Variants in ABHD3 observed in about 807,000 individuals in gnomAD.
The protein encoded by ABHD3 is phospholipase ABHD3.
ABHD3 carries 46 observed loss-of-function variants against 48.8 expected under a neutral mutation model. That is an observed-to-expected ratio of 0.94 (90% confidence interval 0.74 to 1.20). The LOEUF (loss-of-function observed/expected upper bound fraction) is 1.20, where lower values mean the gene tolerates loss of function less well. Among genes scored for constraint, ABHD3 ranks in the 50% most tolerant of loss-of-function variants. The probability of loss-of-function intolerance (pLI) is 0.00; values close to 1 mark genes in which losing one functional copy is unlikely to be tolerated. For synonymous variants in ABHD3, 192 were observed against 183.7 expected, an observed-to-expected ratio of 1.04 and a Z score of -0.36; for missense variants, 490 against 497.8, an observed-to-expected ratio of 0.98 and a Z score of 0.15.
At position 21,650,985 on chromosome 18, in the gene ABHD3, C is replaced by A. The variant is rs1019024048; in HGVS notation, c.*606G>T. 2.0e-5 allele frequency: 3 copies of A among 151,914 alleles called. No homozygotes were observed. Among genetic ancestry groups the A allele is most frequent in the Admixed American group, 2.0e-4 (3 of 15,230 alleles). The allele number at this position is 151,914 out of a possible 1,614,324, so 9.4% of individuals were successfully genotyped here. ...TAAAAATAAGCATGTAAATTATAAT[C>A]ATTATAAAACATAAGTTAGTCCTAA... On this transcript the variant is annotated 3_prime_UTR_variant, in exon 9 of 9. Transcript: ENST00000289119.
At chr18:21,663,938 A>G (rs2039561282) in intron 5 of ABHD3, 180 bp downstream of exon 5, 1 of 1,428,658 alleles carries the variant, frequency 7.0e-7, no homozygotes, top group African/African-American at 1.4e-5. Flanking sequence ...ATTAAAATTC[A>G]CCTGAATTAA....
chr18:21,658,691 CA>C (rs1479265440), intron 6 of ABHD3, among the ~76,000 whole-genome samples: 2 of 152,124 alleles, frequency 1.3e-5, no homozygotes, highest in Admixed American at 6.6e-5. Flanking sequence ...CTTATACTTA[CA>C]TTTTTTATTT....
Position 21,674,386 on chromosome 18 carries a change from C to CA in ABHD3, c.555+9533dup, listed in dbSNP as rs1419493338. ...CCTCCTGAGTAGCTGGGACTACAGG[C>CA]ACGTGCCACCATGCCCATATCCAGC... On this transcript the variant is annotated intron_variant, in intron 4 of 8. Coordinates refer to ENST00000289119, the MANE Select transcript of ABHD3 (RefSeq NM_138340.5). Among the ~76,000 whole-genome samples the CA allele has an allele frequency of 6.6e-5, 10 of 151,876 alleles. 1 individual carries two copies. In the South Asian group the frequency reaches 1.9e-3, roughly 28 times the overall value.
intron 4 of ABHD3, among the ~76,000 whole-genome samples, chr18:21,676,211 C>T (rs1241533969): frequency 6.6e-6 from 1 of 152,156 alleles, no homozygotes; most frequent in Non-Finnish European, 1.5e-5. Flanking sequence ...GTAGAAAGTG[C>T]TGACCTGGGA....
chr18:21,664,214 C>A lies in ABHD3; in HGVS notation c.572G>T (p.Cys191Phe), dbSNP rs947626999. The A allele has an allele frequency of 6.2e-7, 1 of 1,613,602 alleles. No individual in the cohort carries two copies. The highest frequency in any genetic ancestry group is 1.3e-5 in the African/African-American group (1 of 75,000). Residue 191 changes from cysteine to phenylalanine, a missense_variant, in exon 5 of 9, where the codon TGT becomes TTT. By Grantham distance (205) the Cys-to-Phe change is radical. Transcript: ENST00000289119. Reference protein sequence around the residue: ...GENLLTPRTYCCANTEDLETV... With the variant: ...GENLLTPRTYFCANTEDLETV... ...CTCCAAGTCTTCAGTGTTAGCACAA[C>A]AATAAGTCCTTGGCGTCTGGAAGTA...
intron 4 of ABHD3, among the ~76,000 whole-genome samples, chr18:21,668,880 C>T (rs557827456): frequency 2.6e-5 from 4 of 152,054 alleles, no homozygotes; most frequent in South Asian, 2.1e-4. Flanking sequence ...ATAGTATAGC[C>T]GTATAGCCCC....
intron 4 of ABHD3, among the ~76,000 whole-genome samples, chr18:21,679,474 A>C (rs911648499): frequency 6.6e-6 from 1 of 152,248 alleles, no homozygotes; most frequent in Non-Finnish European, 1.5e-5. Flanking sequence ...TGATCTAACG[A>C]GTTAATACAG....
intron 4 of ABHD3, among the ~76,000 whole-genome samples, chr18:21,680,318 A>G (rs765601684): frequency 2.0e-5 from 3 of 152,130 alleles, no homozygotes; most frequent in Non-Finnish European, 4.4e-5. Context: ...GCCCAGTCTC[A>G]TGTTTATTAT....
At chr18:21,695,241 G>C (rs1000882107) in intron 3 of ABHD3, among the ~76,000 whole-genome samples, 1 of 152,152 alleles carries the variant, frequency 6.6e-6, no homozygotes, top group Non-Finnish European at 1.5e-5. Flanking sequence ...TGTTGGCCAG[G>C]CTGGTTTCGA....
At chr18:21,689,768 C>T (rs924001460) in intron 3 of ABHD3, among the ~76,000 whole-genome samples, 1 of 151,896 alleles carries the variant, frequency 6.6e-6, no homozygotes, top group African/African-American at 2.4e-5. Flanking sequence ...ACAAGCAACC[C>T]AATTAAGGCT....
Position 21,664,618 on chromosome 18 carries a change from C to CA in ABHD3, c.556-389dup, listed in dbSNP as rs1227702069. On this transcript the variant is annotated intron_variant, in intron 4 of 8. Coordinates refer to ENST00000289119, the MANE Select transcript of ABHD3 (RefSeq NM_138340.5). Reference sequence around the variant, plus strand: ...AAAAAACAACCTGTACCCTCAAAGACAAAATAACCTTTTTTTTTGTTTGTT... The same window carrying CA: ...AAAAAACAACCTGTACCCTCAAAGACAAAAATAACCTTTTTTTTTGTTTGTT... 1.1e-4 allele frequency: 18 copies of CA among 160,744 alleles called. No homozygotes were observed. In the East Asian group the frequency reaches 2.7e-3, roughly 24 times the overall value. 10.0% of individuals were successfully genotyped at this position (160,744 alleles called of 1,614,324 possible). A position where few individuals can be genotyped will look rare whatever the true frequency, so the allele number is the denominator to read the frequency against.
At chr18:21,696,962 C>G (rs1324841480) in intron 3 of ABHD3, among the ~76,000 whole-genome samples, 1 of 152,094 alleles carries the variant, frequency 6.6e-6, no homozygotes, top group Non-Finnish European at 1.5e-5. Flanking sequence ...TAGCAACTTT[C>G]TCCTCTTGCG....
intron 5 of ABHD3, among the ~76,000 whole-genome samples, chr18:21,660,732 T>C (rs973737186): frequency 6.6e-6 from 1 of 152,162 alleles, no homozygotes; most frequent in East Asian, 1.9e-4. Flanking sequence ...AAAGTGGACA[T>C]TTAGCTTTTG....
chr18:21,690,404 C>G (rs1385247584), intron 3 of ABHD3, among the ~76,000 whole-genome samples: 2 of 151,992 alleles, frequency 1.3e-5, no homozygotes, highest in African/African-American at 4.8e-5. Flanking sequence ...GAGTTTGAAA[C>G]CAGCCTGGCC....
chr18:21,669,069 C>A lies in ABHD3; in HGVS notation c.556-4839G>T, dbSNP rs545118815. Among the ~76,000 whole-genome samples, 11 of 151,630 alleles carry A rather than the reference C, an allele frequency of 7.3e-5. No homozygotes were observed. In the South Asian group the frequency reaches 1.9e-3, roughly 26 times the overall value. On this transcript the variant is annotated intron_variant, in intron 4 of 8. Transcript: ENST00000289119. ...AGACCCCTGTCTCTAAATTAAAAAA[C>A]AACAACAACAAAAAAAACCCACACC...
At chr18:21,670,444 G>A (rs531468608) in intron 4 of ABHD3, among the ~76,000 whole-genome samples, 1 of 152,250 alleles carries the variant, frequency 6.6e-6, no homozygotes, top group African/African-American at 2.4e-5. Flanking sequence ...AACACTTGCA[G>A]CTGTAATCAT....
chr18:21,688,574 G>A lies in ABHD3; in HGVS notation c.510-4609C>T, dbSNP rs553313816. Among the ~76,000 whole-genome samples, 42 of 152,246 alleles carry A rather than the reference G, an allele frequency of 2.8e-4. 1 individual carries two copies. Among genetic ancestry groups the A allele is most frequent in the African/African-American group, 9.4e-4 (39 of 41,550 alleles). ...AACATAAGGTTCCTGGCCTCAAGGA[G>A]GGTACAATCTAGTTAGATTGAAAAG... On this transcript the variant is annotated intron_variant, in intron 3 of 8. Transcript: ENST00000289119.
At chr18:21,657,294 C>A in intron 6 of ABHD3, 142 bp from the exon 7 acceptor site, 1 of 660,830 alleles carries the variant, frequency 1.5e-6, no homozygotes, top group Non-Finnish European at 2.5e-6. Context: ...TCAGGTACGG[C>A]AGGATTAGAA....
intron 3 of ABHD3, among the ~76,000 whole-genome samples, chr18:21,687,150 T>C (rs1371559344): frequency 6.6e-6 from 1 of 151,798 alleles, no homozygotes; most frequent in East Asian, 1.9e-4. Flanking sequence ...CTCAAAACAA[T>C]CCTCTCGTCT....
Sources: gnomAD v4.1 joint callset for allele counts (sites outside exome capture counted in the v4.1 genomes callset) on GRCh38, gnomAD v4.1.1 for gene constraint, MANE v1.5 for transcripts, NCBI Gene and HGNC (gene_info 2026-07-23, HGNC 2026-07-21) for gene names.